DST: variants seen among roughly 807,000 people sequenced by gnomAD.
DST encodes the protein dystonin.
A neutral mutation model predicts 875.2 loss-of-function variants in DST; 253 were observed. The ratio of observed to expected loss-of-function variants is 0.29; its 90% CI spans 0.26 to 0.32. The LOEUF (loss-of-function observed/expected upper bound fraction) is 0.32, where lower values mean the gene tolerates loss of function less well. DST is among the 10% of genes least tolerant of loss of function. The pLI, the probability that DST is intolerant of heterozygous loss-of-function variation, is 1.00. For missense variants in DST, 8,287 were observed against 9,111.6 expected, an observed-to-expected ratio of 0.91 and a Z score of 3.68; for synonymous variants, 3,124 against 3,197.1, an observed-to-expected ratio of 0.98 and a Z score of 0.77.
chr6:56,619,091 C>T lies in DST; in HGVS notation c.4930-4607G>A, dbSNP rs1554506086. ...ACTTTTCGCCAGGTCTTCTTCTAGG[C>T]ATTTAATTTTTCTTTGAAAATCCTG... On this transcript the variant is annotated intron_variant, in intron 36 of 103. Transcript: ENST00000680361. 16 of 1,613,264 alleles carry T rather than the reference C, an allele frequency of 9.9e-6. No homozygotes were observed. The South Asian group carries it at 1.8e-4, about 18-fold the overall frequency.
chr6:56,512,572 G>A (rs1014666631), intron 72 of DST, among the ~76,000 whole-genome samples: 2 of 152,098 alleles, frequency 1.3e-5, no homozygotes, highest in South Asian at 4.1e-4. Context: ...AGCTTCTCTG[G>A]GGAATCTTAC....
At chr6:56,594,250 G>C in intron 47 of DST, 57 bp from the exon 48 acceptor site, 2 of 1,409,770 alleles carry the variant, frequency 1.4e-6, no homozygotes, top group East Asian at 4.7e-5. Context: ...ACACCTGCAG[G>C]GAGCTCCTTG....
intron 2 of DST, among the ~76,000 whole-genome samples, chr6:56,916,753 ATC>A (rs70989741): frequency 0.013 from 1,212 of 95,328 alleles, 22 homozygotes; most frequent in African/African-American, 0.043. Flanking sequence ...CTCTCTCTCT[ATC>A]TCTCTCTCTC....
chr6:56,924,065 A>G (rs994282546), intron 2 of DST, among the ~76,000 whole-genome samples: 2 of 152,154 alleles, frequency 1.3e-5, no homozygotes, highest in Admixed American at 6.5e-5. Flanking sequence ...CGGAGGTTGC[A>G]GTGAGCCGAG....
At chr6:56,728,976 AC>A (rs1563902302) in intron 5 of DST, among the ~76,000 whole-genome samples, 1 of 101,396 alleles carries the variant, frequency 9.9e-6, no homozygotes, top group African/African-American at 5.8e-5. Context: ...AAAAAAGTAC[AC>A]ACACACACAC....
chr6:56,903,553 G>C (rs1175180356), intron 2 of DST, among the ~76,000 whole-genome samples: 2 of 152,184 alleles, frequency 1.3e-5, no homozygotes, highest in African/African-American at 4.8e-5. Context: ...TCTGCCTGCT[G>C]GGTTCAAGCG....
intron 69 of DST, among the ~76,000 whole-genome samples, chr6:56,525,646 A>C (rs1423142721): frequency 6.6e-6 from 1 of 152,204 alleles, no homozygotes. Flanking sequence ...CTACCCCCAC[A>C]CATAAACTTT....
In DST at chr6:56,727,677, G is replaced by A. The variant is rs768410666; in HGVS notation, c.687+7551C>T. ...ATTTATGGCTACATAACAAGGCCAG[G>A]GCATACCAGCCAAGATAGAGTATAT... On this transcript the variant is annotated intron_variant, in intron 5 of 103. Transcript: ENST00000680361. Among the ~76,000 whole-genome samples, 49 of 152,232 alleles carry A rather than the reference G, an allele frequency of 3.2e-4. 1 individual carries two copies. In the Middle Eastern group the frequency reaches 0.01, roughly 32 times the overall value.
intron 36 of DST, chr6:56,615,492 T>C: frequency 6.2e-7 from 1 of 1,613,806 alleles, no homozygotes; most frequent in Non-Finnish European, 8.5e-7. Flanking sequence ...CATCACCCCT[T>C]GCACAGTTAT....
At chr6:56,821,275 AAAT>A (rs746724042) in intron 4 of DST, among the ~76,000 whole-genome samples, 8 of 152,180 alleles carry the variant, frequency 5.3e-5, no homozygotes, top group African/African-American at 7.2e-5. Context: ...TACATGGCAT[AAAT>A]AATGTGTTCA....
chr6:56,681,069 A>G (rs1433348479), intron 9 of DST, among the ~76,000 whole-genome samples: 2 of 152,208 alleles, frequency 1.3e-5, no homozygotes, highest in African/African-American at 4.8e-5. Flanking sequence ...CTGTCTGGCT[A>G]CAAAGCTGAT....
chr6:56,600,627 T>C (rs1004194059), intron 44 of DST, among the ~76,000 whole-genome samples: 1 of 152,124 alleles, frequency 6.6e-6, no homozygotes, highest in Non-Finnish European at 1.5e-5. Flanking sequence ...TAGGTTATCA[T>C]GCTAGAGACA....
At chr6:56,834,452 C>G (rs1285426184) in intron 4 of DST, among the ~76,000 whole-genome samples, 1 of 152,114 alleles carries the variant, frequency 6.6e-6, no homozygotes, top group African/African-American at 2.4e-5. Flanking sequence ...CAAAAATTAG[C>G]CAGGCGTGGT....
intron 9 of DST, among the ~76,000 whole-genome samples, chr6:56,681,662 G>A (rs1218721393): frequency 6.6e-6 from 1 of 152,226 alleles, no homozygotes; most frequent in Non-Finnish European, 1.5e-5. Context: ...AGTATATCCT[G>A]AAAGATAATG....
At chr6:56,905,063 C>T (rs996849769) in intron 2 of DST, among the ~76,000 whole-genome samples, 1 of 152,220 alleles carries the variant, frequency 6.6e-6, no homozygotes, top group South Asian at 2.1e-4. Flanking sequence ...CCTGGGATTA[C>T]AGGCGTGAGC....
intron 44 of DST, 116 bp from the exon 45 acceptor site, chr6:56,600,337 A>G (rs2098434926): frequency 1.0e-6 from 1 of 981,394 alleles, no homozygotes; most frequent in East Asian, 2.4e-5. Context: ...TTTTATAAGT[A>G]TGCTGTAAAC....
intron 2 of DST, among the ~76,000 whole-genome samples, chr6:56,915,040 G>A (rs1026545795): frequency 2.6e-5 from 4 of 152,182 alleles, no homozygotes; most frequent in African/African-American, 9.7e-5. Flanking sequence ...ACAGTCATGC[G>A]CAATGACAGA....
At chr6:56,835,366 A>G (rs2099792358) in intron 4 of DST, among the ~76,000 whole-genome samples, 1 of 152,200 alleles carries the variant, frequency 6.6e-6, no homozygotes, top group Non-Finnish European at 1.5e-5. Flanking sequence ...TAATTGATGA[A>G]TCAATTTATC....
chr6:56,738,029 T>C (rs1406607686), intron 4 of DST, among the ~76,000 whole-genome samples: 3 of 152,228 alleles, frequency 2.0e-5, no homozygotes, highest in Non-Finnish European at 4.4e-5. Flanking sequence ...TTTAGAGTTC[T>C]CCTACTTTAA....
Sources: gnomAD v4.1 joint callset for allele counts (sites outside exome capture counted in the v4.1 genomes callset) on GRCh38, gnomAD v4.1.1 for gene constraint, MANE v1.5 for transcripts, NCBI Gene and HGNC (gene_info 2026-07-23, HGNC 2026-07-21) for gene names.